Variants in PCDHA2 observed in about 807,000 individuals in gnomAD.
The protein encoded by PCDHA2 is protocadherin alpha-2.
In PCDHA2, 58 loss-of-function variants were observed where a neutral mutation model predicts 66.0. The observed-to-expected ratio is 0.88, with a 90% confidence interval of 0.71 to 1.09. The LOEUF (loss-of-function observed/expected upper bound fraction) is 1.09, where lower values mean the gene tolerates loss of function less well. Ranked by LOEUF, PCDHA2 falls within the 50% of genes least tolerant of loss-of-function variation. The probability of loss-of-function intolerance (pLI) is 0.00; values close to 1 mark genes in which losing one functional copy is unlikely to be tolerated. For missense variants in PCDHA2, 1,267 were observed against 1,242.3 expected, an observed-to-expected ratio of 1.02 and a Z score of -0.30; for synonymous variants, 634 against 554.0, an observed-to-expected ratio of 1.14 and a Z score of -2.03.
rs571650734 is a variant in PCDHA2 at position 140,851,052 on chromosome 5, C to T, written c.2388+53700C>T. On this transcript the variant is annotated intron_variant, in intron 1 of 3. Transcript: ENST00000526136. Reference sequence around the variant, plus strand: ...CCCTTAACATTGGAGCCGACTTTGTCTTGACTTCTAGTGAGAATTATAAAC... The same window carrying T: ...CCCTTAACATTGGAGCCGACTTTGTTTTGACTTCTAGTGAGAATTATAAAC... 5 of 1,384,048 alleles carry T rather than the reference C, an allele frequency of 3.6e-6. No individual in the cohort carries two copies. The African/African-American group carries it at 5.9e-5, about 16-fold the overall frequency. The allele number at this position is 1,384,048 out of a possible 1,614,324, so 85.7% of individuals were successfully genotyped here.
At chr5:140,818,584 C>A (rs1453771164) in intron 1 of PCDHA2, among the ~76,000 whole-genome samples, 1 of 152,164 alleles carries the variant, frequency 6.6e-6, no homozygotes, top group African/African-American at 2.4e-5. Context: ...TGCCTATAAT[C>A]CCAACACCTG....
At chr5:140,848,597 C>A (rs151001396) in intron 1 of PCDHA2, 1 of 1,580,556 alleles carries the variant, frequency 6.3e-7, no homozygotes, top group Non-Finnish European at 8.7e-7. Context: ...TCCACTACTC[C>A]GTCCCGGAGG....
chr5:140,906,669 A>G (rs2153496058), intron 1 of PCDHA2, among the ~76,000 whole-genome samples: 1 of 152,302 alleles, frequency 6.6e-6, no homozygotes. Context: ...GTAGTGACCC[A>G]AACCTTCATT....
intron 1 of PCDHA2, chr5:140,877,849 TA>T: frequency 6.5e-7 from 1 of 1,545,946 alleles, no homozygotes; most frequent in Non-Finnish European, 8.7e-7. Context: ...AGTAAGTTAT[TA>T]ATATTATTTA....
intron 1 of PCDHA2, among the ~76,000 whole-genome samples, chr5:140,912,600 T>C (rs2075993093): frequency 6.6e-6 from 1 of 152,156 alleles, no homozygotes; most frequent in African/African-American, 2.4e-5. Context: ...CTTTATTTCT[T>C]CCTCTTGTCT....
At chr5:140,809,250 G>A (rs782209352) in intron 1 of PCDHA2, 6 of 1,614,080 alleles carry the variant, frequency 3.7e-6, no homozygotes, top group Non-Finnish European at 4.2e-6. Flanking sequence ...GGCGCTGTGG[G>A]TCCCGATGCT....
intron 1 of PCDHA2, chr5:140,929,505 C>A: frequency 1.2e-6 from 1 of 840,606 alleles, no homozygotes; most frequent in Non-Finnish European, 1.7e-6. Flanking sequence ...TGCCCTAGGC[C>A]TCAAGGGACT....
At chr5:140,923,266 T>C (rs184590818) in intron 1 of PCDHA2, among the ~76,000 whole-genome samples, 1 of 152,284 alleles carries the variant, frequency 6.6e-6, no homozygotes, top group African/African-American at 2.4e-5. Context: ...TAGTGAGACC[T>C]TGTCTCTACA....
At chr5:140,819,185 T>A (rs1365698503) in intron 1 of PCDHA2, among the ~76,000 whole-genome samples, 2 of 152,188 alleles carry the variant, frequency 1.3e-5, no homozygotes, top group African/African-American at 4.8e-5. Context: ...AAATGACATA[T>A]GTGCATAAAT....
intron 1 of PCDHA2, among the ~76,000 whole-genome samples, chr5:140,894,553 T>G (rs2064537673): frequency 6.6e-6 from 1 of 152,008 alleles, no homozygotes; most frequent in South Asian, 2.1e-4. Flanking sequence ...TGTTTACTTC[T>G]GAAAAAATTA....
intron 1 of PCDHA2, among the ~76,000 whole-genome samples, chr5:140,945,853 A>G (rs782332952): frequency 6.6e-6 from 1 of 152,190 alleles, no homozygotes; most frequent in Non-Finnish European, 1.5e-5. Flanking sequence ...AAAGACTTAA[A>G]CATAGACCTG....
chr5:140,828,181 G>T (rs782434045), intron 1 of PCDHA2: 1 of 1,614,176 alleles, frequency 6.2e-7, no homozygotes, highest in Admixed American at 1.7e-5. Flanking sequence ...GGAGCGGCCA[G>T]CTCCACTACT....
At chr5:140,837,515 A>AC (rs1373880523) in intron 1 of PCDHA2, among the ~76,000 whole-genome samples, 1 of 96,498 alleles carries the variant, frequency 1.0e-5, no homozygotes, top group African/African-American at 5.4e-5. Context: ...GAAGCAGTTT[A>AC]CTTTTTTTGT....
In PCDHA2 at chr5:140,947,454, C is replaced by G. The variant is rs138457341; in HGVS notation, c.2389-31495C>G. 3.0e-4 allele frequency among the ~76,000 whole-genome samples: 45 copies of G among 151,700 alleles called. No individual in the cohort carries two copies. In the East Asian group the frequency reaches 8.3e-3, roughly 28 times the overall value. On this transcript the variant is annotated intron_variant, in intron 1 of 3. Coordinates refer to ENST00000526136, the MANE Select transcript of PCDHA2 (RefSeq NM_018905.3). ...AAAATCAGCTGTGAAATCCTCCAACCTTGTTCTACTTGTAAACATTGTTTT... is the reference window on the plus strand; with the variant it reads ...AAAATCAGCTGTGAAATCCTCCAACGTTGTTCTACTTGTAAACATTGTTTT...
rs1554120338 is a variant in PCDHA2 at position 140,797,202 on chromosome 5, G to T, written c.2238G>T (p.Gly746=). The T allele has an allele frequency of 1.2e-6, 2 of 1,614,072 alleles. No homozygotes were observed. The highest frequency in any genetic ancestry group is 1.7e-6 in the Non-Finnish European group (2 of 1,180,060). The change falls in exon 1 of 4, where the codon GGG becomes GGT. Residue 746 remains glycine, a synonymous_variant. Coordinates refer to ENST00000526136, the MANE Select transcript of PCDHA2 (RefSeq NM_018905.3). ...KPTLVCSSAV[G]SWSYSQQRRQ... ...CGCTGGTGTGCTCCAGCGCCGTGGG[G>T]AGCTGGTCTTACTCGCAGCAGAGGC...
intron 1 of PCDHA2, chr5:140,869,684 T>A: frequency 6.2e-7 from 1 of 1,613,486 alleles, no homozygotes; most frequent in Non-Finnish European, 8.5e-7. Context: ...AGACTGTCAC[T>A]TATTTTAAAG....
At chr5:140,977,955 C>T (rs1280190913) in intron 1 of PCDHA2, among the ~76,000 whole-genome samples, 1 of 152,170 alleles carries the variant, frequency 6.6e-6, no homozygotes, top group African/African-American at 2.4e-5. Context: ...GACAGGGCCA[C>T]CTCAATCTCC....
chr5:140,840,206 A>G (rs1171433900), intron 1 of PCDHA2, among the ~76,000 whole-genome samples: 1 of 152,080 alleles, frequency 6.6e-6, no homozygotes, highest in African/African-American at 2.4e-5. Flanking sequence ...AAAAGAAGTC[A>G]TAAAAATACA....
At chr5:140,978,424 TCA>T (rs2096801674) in intron 1 of PCDHA2, among the ~76,000 whole-genome samples, 1 of 152,238 alleles carries the variant, frequency 6.6e-6, no homozygotes, top group Non-Finnish European at 1.5e-5. Flanking sequence ...GAGACTGTTA[TCA>T]GTTGCTGGTG....
Sources: allele counts gnomAD v4.1 joint callset (sites outside exome capture counted in the v4.1 genomes callset), GRCh38; gene constraint gnomAD v4.1.1; transcripts MANE v1.5; gene names NCBI Gene and HGNC (gene_info 2026-07-23, HGNC 2026-07-21).